Variants in DLEU7 observed in about 807,000 individuals in gnomAD.
The protein encoded by DLEU7 is leukemia-associated protein 7.
DLEU7 carries 17 observed loss-of-function variants against 16.0 expected under a neutral mutation model. The ratio of observed to expected loss-of-function variants is 1.06; its 90% confidence interval spans 0.73 to 1.59. DLEU7 has a LOEUF of 1.59. DLEU7 is among the 40% of genes most tolerant of loss of function. The pLI is 0.00. For synonymous variants in DLEU7, 113 were observed against 139.8 expected (o/e 0.81, Z 1.35); for missense variants, 308 against 314.9 (o/e 0.98, Z 0.17).
chr13:50,718,445 A>G (rs1337212030), intron 1 of DLEU7, among the ~76,000 whole-genome samples: 1 of 152,178 alleles, frequency 6.6e-6, no homozygotes, highest in Non-Finnish European at 1.5e-5. Context: ...AAGGCTCCCC[A>G]CTCTGGTGAT....
At chr13:50,804,115 T>A (rs1876323615) in intron 1 of DLEU7, among the ~76,000 whole-genome samples, 1 of 152,156 alleles carries the variant, frequency 6.6e-6, no homozygotes, top group African/African-American at 2.4e-5. Flanking sequence ...TGAAATGTCA[T>A]CACGTCCTAA....
At chr13:50,741,596 A>G (rs922116525) in intron 1 of DLEU7, among the ~76,000 whole-genome samples, 6 of 152,194 alleles carry the variant, frequency 3.9e-5, no homozygotes, top group Non-Finnish European at 8.8e-5. Context: ...GCTGTTTCCC[A>G]GCCAGATTAT....
At chr13:50,791,195 T>G (rs1870837) in intron 1 of DLEU7, among the ~76,000 whole-genome samples, 74,579 of 151,960 alleles carry the variant, frequency 0.49, 19,272 homozygotes, top group African/African-American at 0.65. Flanking sequence ...AACCATTGCT[T>G]CATAGATGTG....
intron 1 of DLEU7, among the ~76,000 whole-genome samples, chr13:50,753,881 C>T (rs1045121042): frequency 7.9e-5 from 12 of 152,200 alleles, no homozygotes; most frequent in African/African-American, 2.7e-4. Context: ...TCATTATTGT[C>T]GTTCAGTTTG....
chr13:50,802,992 A>AT (rs1876291119), intron 1 of DLEU7, among the ~76,000 whole-genome samples: 1 of 152,102 alleles, frequency 6.6e-6, no homozygotes, highest in African/African-American at 2.4e-5. Context: ...ATGTTTCATA[A>AT]TTTATTTAAC....
At chr13:50,770,488 T>C (rs1298808156) in intron 1 of DLEU7, among the ~76,000 whole-genome samples, 1 of 152,232 alleles carries the variant, frequency 6.6e-6, no homozygotes, top group African/African-American at 2.4e-5. Context: ...TGAAGCGCTG[T>C]TGAATTTTGT....
chr13:50,795,766 T>A (rs79047204), intron 1 of DLEU7, among the ~76,000 whole-genome samples: 2,564 of 152,310 alleles, frequency 0.017, 39 homozygotes, highest in Non-Finnish European at 0.022. Context: ...CGATTATTTT[T>A]ATAGCAAACT....
chr13:50,788,747 C>T lies in DLEU7; in HGVS notation c.459+54441G>A, dbSNP rs117913854. Among the ~76,000 whole-genome samples the T allele has an allele frequency of 4.0e-3, 611 of 152,284 alleles. 2 individuals carry two copies. The highest frequency in any genetic ancestry group is 6.7e-3 in the Non-Finnish European group (454 of 68,010). On this transcript the variant is annotated intron_variant, in intron 1 of 1. Coordinates refer to the DLEU7 transcript ENST00000400393. ...GGAAGTGATTCATAGGAAAATCCCT[C>T]CCACAGAAATGATGAGAGATGCTAG...
downstream of DLEU7, chr13:50,711,383 C>G (rs1873280526): frequency 6.6e-6 from 1 of 152,210 alleles, no homozygotes; most frequent in South Asian, 2.1e-4. Context: ...TTCAGTAGAT[C>G]TTGACTTCGG....
rs547782150 is a variant in DLEU7 at position 50,738,296 on chromosome 13, C to T, written c.460-25056G>A. 5.1e-4 allele frequency among the ~76,000 whole-genome samples: 78 copies of T among 152,132 alleles called. 1 individual carries two copies. The highest frequency in any genetic ancestry group is 9.8e-4 in the Admixed American group (15 of 15,278). On this transcript the variant is annotated intron_variant, in intron 1 of 1. Transcript: ENST00000400393. ...ATGTCTGAAATTTTTCATAATAAAA[C>T]ATTGGGAAAAAAACCTCAGCAGTAA... is the stretch of plus-strand genomic sequence containing the variant.
At chr13:50,743,051 C>G (rs1272854775) in intron 1 of DLEU7, among the ~76,000 whole-genome samples, 4 of 152,056 alleles carry the variant, frequency 2.6e-5, no homozygotes, top group African/African-American at 9.7e-5. Flanking sequence ...ATTGAGTGAT[C>G]AGTGCTGTTG....
At chr13:50,723,955 A>C (rs918621465) in intron 1 of DLEU7, among the ~76,000 whole-genome samples, 13 of 152,106 alleles carry the variant, frequency 8.5e-5, no homozygotes, top group African/African-American at 3.1e-4. Flanking sequence ...TTTCTGGGTC[A>C]TAGAAGGAGA....
chr13:50,784,785 G>A (rs1258163559), intron 1 of DLEU7, among the ~76,000 whole-genome samples: 1 of 152,180 alleles, frequency 6.6e-6, no homozygotes, highest in Non-Finnish European at 1.5e-5. Context: ...GCATCTGTGT[G>A]AACAGTTAAG....
intron 1 of DLEU7, among the ~76,000 whole-genome samples, chr13:50,786,706 T>C (rs2137769863): frequency 6.6e-6 from 1 of 152,336 alleles, no homozygotes. Flanking sequence ...AAATGGAATT[T>C]TTAGAAAACA....
At chr13:50,784,009 A>G (rs1393617834) in intron 1 of DLEU7, among the ~76,000 whole-genome samples, 1 of 152,342 alleles carries the variant, frequency 6.6e-6, no homozygotes, top group Non-Finnish European at 1.5e-5. Context: ...CAAAGCCGTA[A>G]GCTCTAGCTT....
At chr13:50,822,058 G>GCACACACA (rs144274511), downstream of DLEU7, among the ~76,000 whole-genome samples, 1 of 149,772 alleles carries the variant, frequency 6.7e-6, no homozygotes, top group South Asian at 2.1e-4. Flanking sequence ...ACACATGAGC[G>GCACACACA]CACACACACA....
chr13:50,835,351 G>A (rs532080016), intron 1 of DLEU7, among the ~76,000 whole-genome samples: 28 of 152,260 alleles, frequency 1.8e-4, no homozygotes, highest in African/African-American at 6.3e-4. Context: ...GGTGACAGGG[G>A]CTTCTTGGAA....
intron 1 of DLEU7, among the ~76,000 whole-genome samples, chr13:50,748,973 T>C (rs1333641547): frequency 6.6e-6 from 1 of 152,062 alleles, no homozygotes; most frequent in Non-Finnish European, 1.5e-5. Flanking sequence ...ATTTGTGAGA[T>C]TTTGGTGCAC....
At chr13:50,765,470 A>C (rs550105077) in intron 1 of DLEU7, among the ~76,000 whole-genome samples, 5 of 152,120 alleles carry the variant, frequency 3.3e-5, no homozygotes, top group African/African-American at 1.2e-4. Context: ...AAGAGGAGGG[A>C]AGGAAGTTTG....
Sources: gnomAD v4.1 joint callset for allele counts (sites outside exome capture counted in the v4.1 genomes callset) on GRCh38, gnomAD v4.1.1 for gene constraint, MANE v1.5 for transcripts, NCBI Gene and HGNC (gene_info 2026-07-23, HGNC 2026-07-21) for gene names.